Variants in PLEKHM1 observed in about 807,000 individuals in gnomAD.
The protein encoded by PLEKHM1 is pleckstrin homology and RUN domain containing M1.
In PLEKHM1, 28 loss-of-function variants were observed where a neutral mutation model predicts 94.3. The observed-to-expected ratio is 0.30, with a 90% CI of 0.22 to 0.41. The LOEUF (loss-of-function observed/expected upper bound fraction) is 0.41, where lower values mean the gene tolerates loss of function less well. Ranked by LOEUF, PLEKHM1 falls within the 10% of genes least tolerant of loss-of-function variation. The pLI is 1.00. For missense variants in PLEKHM1, 907 were observed against 1,358.6 expected, an observed-to-expected ratio of 0.67 and a Z score of 5.22; for synonymous variants, 424 against 581.2, an observed-to-expected ratio of 0.73 and a Z score of 3.89.
At chr17:45,451,470 A>G (rs564848104) in intron 7 of PLEKHM1, among the ~76,000 whole-genome samples, 7 of 152,334 alleles carry the variant, frequency 4.6e-5, no homozygotes, top group Non-Finnish European at 7.3e-5. Flanking sequence ...GGCAGGCAGA[A>G]GGGTCCCCGG....
intron 1 of PLEKHM1, among the ~76,000 whole-genome samples, chr17:45,489,776 A>G (rs1190722871): frequency 1.3e-5 from 2 of 151,980 alleles, no homozygotes; most frequent in Non-Finnish European, 2.9e-5. Flanking sequence ...TTGGCAGGCG[A>G]CTCTGCACTA....
intron 1 of PLEKHM1, 124 bp downstream of exon 1, chr17:45,490,528 C>T (rs946251013): frequency 1.3e-5 from 5 of 370,966 alleles, no homozygotes; most frequent in Non-Finnish European, 2.7e-5. Context: ...GGCCCTGAAG[C>T]CGGGCAGTCT....
chr17:45,440,813 G>A, intron 9 of PLEKHM1: 1 of 184,178 alleles, frequency 5.4e-6, no homozygotes, highest in South Asian at 1.2e-4. Flanking sequence ...GCAGGCTGTT[G>A]TCATTATTGC....
chr17:45,481,943 AC>A (rs2051967070), intron 2 of PLEKHM1, among the ~76,000 whole-genome samples: 2 of 152,110 alleles, frequency 1.3e-5, no homozygotes, highest in Admixed American at 1.3e-4. Context: ...TATCTGGAGT[AC>A]CCAAGATAGC....
intron 9 of PLEKHM1, chr17:45,441,187 C>T (rs1007892919): frequency 2.0e-5 from 3 of 152,180 alleles, no homozygotes; most frequent in African/African-American, 7.2e-5. Context: ...TACTCCAAGT[C>T]AGAGGATGCT....
At chr17:45,481,033 G>C (rs1879588) in intron 2 of PLEKHM1, among the ~76,000 whole-genome samples, 1 of 152,152 alleles carries the variant, frequency 6.6e-6, no homozygotes, top group Non-Finnish European at 1.5e-5. Context: ...ATTCCCACCA[G>C]CAATATATGA....
At chr17:45,461,449 A>G (rs2051149766) in intron 5 of PLEKHM1, among the ~76,000 whole-genome samples, 1 of 152,208 alleles carries the variant, frequency 6.6e-6, no homozygotes, top group African/African-American at 2.4e-5. Flanking sequence ...GTTGCATCTT[A>G]AAAAACCATT....
rs1210984463 is a variant in PLEKHM1, at chr17:45,490,697, G to C, written c.-87C>G. On this transcript the variant is annotated 5_prime_UTR_variant, in exon 1 of 12. Coordinates refer to ENST00000430334, the MANE Select transcript of PLEKHM1 (RefSeq NM_014798.3). ...GCGAGGGGCGCTCCCGGCCGCGGCA[G>C]CCCCTCAGCCTCCGAGCCGACGATG... is the stretch of plus-strand genomic sequence containing the variant. 5 of 450,452 alleles carry C rather than the reference G, an allele frequency of 1.1e-5. No individual in the cohort carries two copies. Among genetic ancestry groups the C allele is most frequent in the African/African-American group, 6.1e-5 (3 of 49,164 alleles). 27.9% of individuals were successfully genotyped at this position (450,452 alleles called of 1,614,324 possible). A position where few individuals can be genotyped will look rare whatever the true frequency, so the allele number is the denominator to read the frequency against.
chr17:45,461,854 G>A (rs1021346306), intron 5 of PLEKHM1, among the ~76,000 whole-genome samples: 2 of 152,134 alleles, frequency 1.3e-5, no homozygotes, highest in African/African-American at 2.4e-5. Flanking sequence ...GGGCTTGTGG[G>A]AGTGGATTCT....
At chr17:45,447,348 A>G (rs1238897487) in intron 8 of PLEKHM1, among the ~76,000 whole-genome samples, 6 of 152,366 alleles carry the variant, frequency 3.9e-5, no homozygotes, top group East Asian at 1.9e-4. Flanking sequence ...GGACAGCCCA[A>G]TGGCAAACTC....
chr17:45,486,208 C>T (rs2052114409), intron 1 of PLEKHM1, among the ~76,000 whole-genome samples: 1 of 142,936 alleles, frequency 7.0e-6, no homozygotes. Context: ...CAGAGAGAGA[C>T]TCCGTCTCAA....
Position 45,436,733 on chromosome 17 carries a change from C to T in PLEKHM1, c.*1125G>A, listed in dbSNP as rs1362103902. On this transcript the variant is annotated 3_prime_UTR_variant, in exon 12 of 12. Coordinates refer to ENST00000430334, the MANE Select transcript of PLEKHM1 (RefSeq NM_014798.3). ...GGAACTTCTTCAGTCTCCAGTGTCC[C>T]GGCTGGGCAAGTTCAGTGATGCTTT... 2.2e-5 allele frequency: 10 copies of T among 454,038 alleles called. No homozygotes were observed. The highest frequency in any genetic ancestry group is 8.0e-5 in the African/African-American group (4 of 50,012). 28.1% of individuals were successfully genotyped at this position (454,038 alleles called of 1,614,324 possible). A position where few individuals can be genotyped will look rare whatever the true frequency, so the allele number is the denominator to read the frequency against.
chr17:45,458,326 C>T lies in PLEKHM1; in HGVS notation c.1422G>A (p.Arg474=), dbSNP rs558775468. The change falls in exon 6 of 12, where the codon AGG becomes AGA. Residue 474 remains arginine (R), a synonymous_variant. Transcript: ENST00000430334. ...GAGAAAAATGCCTGTGGAGACCAGG[C>T]CTTGACCCTGGAGTCCCCCTGTAAG... The part of the protein sequence containing the change: ...IASYRGTPGS[R]PGLHRHFSQE... 80 of 1,613,878 alleles carry T rather than the reference C, an allele frequency of 5.0e-5. No homozygotes were observed. The South Asian group carries it at 7.5e-4, about 15-fold the overall frequency.
At position 45,458,313 on chromosome 17, in the gene PLEKHM1, T is replaced by A; in HGVS notation, c.1435A>T (p.Arg479Trp). The A allele has an allele frequency of 6.2e-7, 1 of 1,613,732 alleles. No homozygotes were observed. The highest frequency in any genetic ancestry group is 8.5e-7 in the Non-Finnish European group (1 of 1,179,752). ...GTPGSRPGLH[R>W]HFSQEPRKNC... ...TTTCTTGGTTCTTGAGAAAAATGCCTGTGGAGACCAGGCCTTGACCCTGGA... is the reference window on the plus strand; with the variant it reads ...TTTCTTGGTTCTTGAGAAAAATGCCAGTGGAGACCAGGCCTTGACCCTGGA... The change falls in exon 6 of 12, where the codon AGG becomes TGG. Residue 479 changes from arginine to tryptophan, a missense_variant. By Grantham distance (101) the Arg-to-Trp change is moderately radical (BLOSUM62 -3). This residue lies in a region of PLEKHM1 where 477 missense variants were observed against 601.5 expected (regional missense o/e 0.79). Transcript: ENST00000430334.
Position 45,486,262 on chromosome 17 carries a change from TTA to T in PLEKHM1, c.-41-3739_-41-3738del, listed in dbSNP as rs2052123507. ...AAAAAATAATAATAATAATAATAAT[TTA>T]TGTCTCAAATAAATAAATAAATAAT... On this transcript the variant is annotated intron_variant, in intron 1 of 11. Transcript: ENST00000430334. Among the ~76,000 whole-genome samples the T allele has an allele frequency of 7.5e-5, 11 of 145,958 alleles. No homozygotes were observed. The South Asian group carries it at 2.1e-3, about 28-fold the overall frequency.
chr17:45,485,129 C>A (rs1032858840), intron 1 of PLEKHM1, among the ~76,000 whole-genome samples: 2 of 152,092 alleles, frequency 1.3e-5, no homozygotes, highest in African/African-American at 4.8e-5. Flanking sequence ...CTGCTCCCAG[C>A]TACCCAGGGA....
chr17:45,479,246 A>G (rs1281646191), intron 2 of PLEKHM1, among the ~76,000 whole-genome samples: 1 of 151,886 alleles, frequency 6.6e-6, no homozygotes, highest in Non-Finnish European at 1.5e-5. Context: ...TGGGCCGGGC[A>G]CGGTGGCTCA....
intron 11 of PLEKHM1, 51 bp from the exon 12 acceptor site, chr17:45,438,020 C>T: frequency 7.0e-7 from 1 of 1,431,740 alleles, no homozygotes; most frequent in Admixed American, 1.7e-5. Flanking sequence ...GGAGGTTGCC[C>T]TGTGGCCACG....
chr17:45,458,353 A>G lies in PLEKHM1; in HGVS notation c.1395T>C (p.Ala465=). ...PLESASDHPI[A]SYRGTPGSRP... is the part of the protein sequence containing the mutation. ...TTGACCCTGGAGTCCCCCTGTAAGAAGCTATTGGGTGGTCTGAAGCACTCT... is the reference window on the plus strand; with the variant it reads ...TTGACCCTGGAGTCCCCCTGTAAGAGGCTATTGGGTGGTCTGAAGCACTCT... Residue 465 remains alanine (A), a synonymous_variant, in exon 6 of 12, where the codon GCT becomes GCC. Coordinates refer to ENST00000430334, the MANE Select transcript of PLEKHM1 (RefSeq NM_014798.3). The G allele has an allele frequency of 6.2e-7, 1 of 1,613,982 alleles. No homozygotes were observed. Among genetic ancestry groups the G allele is most frequent in the Non-Finnish European group, 8.5e-7 (1 of 1,179,858 alleles).
Sources: gnomAD v4.1 joint callset for allele counts (sites outside exome capture counted in the v4.1 genomes callset) on GRCh38, gnomAD v4.1.1 for gene constraint, gnomAD v4.1.1 regional missense constraint, MANE v1.5 for transcripts, NCBI Gene and HGNC (gene_info 2026-07-23, HGNC 2026-07-21) for gene names.